The following ARHGAP28 variants were observed in gnomAD, a reference collection of about 807,000 sequenced individuals.
ARHGAP28 encodes the protein Rho GTPase activating protein 28.
ARHGAP28 carries 56 observed loss-of-function variants against 90.7 expected under a neutral mutation model. That is an observed-to-expected ratio of 0.62 (90% CI 0.50 to 0.77). ARHGAP28 has a LOEUF of 0.77. ARHGAP28 is among the 30% of genes least tolerant of loss of function. The probability of loss-of-function intolerance (pLI) is 0.00; values close to 1 mark genes in which losing one functional copy is unlikely to be tolerated. For synonymous variants in ARHGAP28, 308 were observed against 323.3 expected (o/e 0.95, Z 0.51); for missense variants, 869 against 900.9 (o/e 0.96, Z 0.45).
At chr18:6,810,855 T>C (rs2056551099) in intron 1 of ARHGAP28, among the ~76,000 whole-genome samples, 1 of 152,114 alleles carries the variant, frequency 6.6e-6, no homozygotes, top group African/African-American at 2.4e-5. Context: ...GTGTTCATTC[T>C]GCTAGGAGAC....
intron 1 of ARHGAP28, among the ~76,000 whole-genome samples, chr18:6,819,527 G>C (rs1567957825): frequency 6.6e-6 from 1 of 152,152 alleles, no homozygotes; most frequent in Non-Finnish European, 1.5e-5. Context: ...TCTAGGTGGA[G>C]GGACTCTACC....
chr18:6,824,805 A>C lies in ARHGAP28; in HGVS notation c.166A>C (p.Asn56His). 1 of 1,536,288 alleles carries C rather than the reference A, an allele frequency of 6.5e-7. No homozygotes were observed. Residue 56 changes from asparagine (N) to histidine (H), a missense_variant, in exon 2 of 18, where the codon AAT (asparagine) becomes CAT (histidine). Asn to His is a moderately conservative substitution (Grantham distance 68). Coordinates refer to ENST00000383472, the MANE Select transcript of ARHGAP28 (RefSeq NM_001366230.1). Reference sequence around the variant, plus strand: ...CCGAAGAATTAACAGGATGCTCTCCAATGAATCCCTCCATCCTCCTGCCTT... The same window carrying C: ...CCGAAGAATTAACAGGATGCTCTCCCATGAATCCCTCCATCCTCCTGCCTT... ...RCRRINRMLS[N>H]ESLHPPAFSR...
intron 16 of ARHGAP28, among the ~76,000 whole-genome samples, chr18:6,908,713 C>G (rs1027459326): frequency 1.3e-5 from 2 of 152,188 alleles, no homozygotes; most frequent in Non-Finnish European, 2.9e-5. Flanking sequence ...TGAATGGGCT[C>G]TATGTAGTGG....
At chr18:6,789,962 G>A (rs1600186484) in intron 1 of ARHGAP28, 1 of 151,660 alleles carries the variant, frequency 6.6e-6, no homozygotes, top group Non-Finnish European at 1.5e-5. Context: ...CGAGAAGCTG[G>A]GACTACAGGT....
At chr18:6,775,789 CCCCTCCCATG>C (rs1399485944) in intron 1 of ARHGAP28, among the ~76,000 whole-genome samples, 1 of 152,114 alleles carries the variant, frequency 6.6e-6, no homozygotes, top group Non-Finnish European at 1.5e-5. Flanking sequence ...AATTACTGCT[CCCCTCCCATG>C]CTCACTTTGT....
At chr18:6,849,963 G>A (rs564958842) in intron 3 of ARHGAP28, among the ~76,000 whole-genome samples, 2 of 151,748 alleles carry the variant, frequency 1.3e-5, no homozygotes, top group South Asian at 4.2e-4. Flanking sequence ...TTCACTGCTT[G>A]GATTAAACTC....
rs1477792795 is a variant in ARHGAP28 at position 6,913,140 on chromosome 18, CT to C, written c.*990del. The C allele has an allele frequency of 6.6e-6, 1 of 152,112 alleles. No homozygotes were observed. Among genetic ancestry groups the C allele is most frequent in the Non-Finnish European group, 1.5e-5 (1 of 68,024 alleles). The allele number at this position is 152,112 out of a possible 1,614,324, so 9.4% of individuals were successfully genotyped here. On this transcript the variant is annotated 3_prime_UTR_variant, in exon 18 of 18. Coordinates refer to ENST00000383472, the MANE Select transcript of ARHGAP28 (RefSeq NM_001366230.1). ...TCCTAAACTATAAAAGCAGATTTTG[CT>C]TTTGTTTGTTAATCATAGGCATGGC...
At chr18:6,784,084 T>G (rs2143504797) in intron 1 of ARHGAP28, among the ~76,000 whole-genome samples, 1 of 152,260 alleles carries the variant, frequency 6.6e-6, no homozygotes, top group South Asian at 2.1e-4. Flanking sequence ...GAGTTTACTA[T>G]CTACTTTCTC....
chr18:6,838,100 T>G (rs2056768323), intron 3 of ARHGAP28, among the ~76,000 whole-genome samples: 1 of 152,252 alleles, frequency 6.6e-6, no homozygotes, highest in African/African-American at 2.4e-5. Flanking sequence ...ACAATTGCAA[T>G]GTTACATTAC....
intron 13 of ARHGAP28, 27 bp downstream of exon 13, chr18:6,890,112 C>G: frequency 6.2e-7 from 1 of 1,612,032 alleles, no homozygotes; most frequent in Non-Finnish European, 8.5e-7. Context: ...TGACAGGTCC[C>G]CCTCAGAAGT....
At chr18:6,739,645 TTCTCTCTC>T (rs138884918) in intron 1 of ARHGAP28, among the ~76,000 whole-genome samples, 3 of 144,978 alleles carry the variant, frequency 2.1e-5, no homozygotes, top group Non-Finnish European at 4.5e-5. Flanking sequence ...TGACTAAGCT[TTCTCTCTC>T]TCTCTCTCTC....
chr18:6,866,956 AGTT>A (rs2057042419), intron 5 of ARHGAP28, among the ~76,000 whole-genome samples: 1 of 152,200 alleles, frequency 6.6e-6, no homozygotes, highest in South Asian at 2.1e-4. Flanking sequence ...GAAAGGGAAA[AGTT>A]GTCCACATCT....
chr18:6,893,069 C>T (rs2057278587), intron 14 of ARHGAP28, among the ~76,000 whole-genome samples: 1 of 152,180 alleles, frequency 6.6e-6, no homozygotes, highest in Non-Finnish European at 1.5e-5. Context: ...TTTTAGTTAT[C>T]TCTTGTTTTC....
chr18:6,827,351 TG>T (rs1157806189), intron 2 of ARHGAP28, among the ~76,000 whole-genome samples: 2 of 146,756 alleles, frequency 1.4e-5, no homozygotes, highest in African/African-American at 2.5e-5. Flanking sequence ...ACGGGGCGGC[TG>T]GCTGGGCGGA....
rs925950816 is a variant in ARHGAP28 at position 6,876,123 on chromosome 18, C to T, written c.1213-8C>T. On this transcript the variant is annotated splice_region_variant and splice_polypyrimidine_tract_variant and intron_variant, in intron 9 of 17. Transcript: ENST00000383472. ...TACTTATTCTGGTAATATATCATTG[C>T]TTTCTAGTTTTTTGAGAAAGTTGAG... 27 of 1,610,966 alleles carry T rather than the reference C, an allele frequency of 1.7e-5. No homozygotes were observed. Among genetic ancestry groups the T allele is most frequent in the Non-Finnish European group, 2.1e-5 (25 of 1,177,308 alleles).
intron 1 of ARHGAP28, among the ~76,000 whole-genome samples, chr18:6,814,768 GTACT>G (rs1212926992): frequency 6.6e-6 from 1 of 152,162 alleles, no homozygotes; most frequent in Non-Finnish European, 1.5e-5. Context: ...GAGAGAATAT[GTACT>G]TACTTTTGAT....
chr18:6,829,739 G>A (rs182314802), intron 2 of ARHGAP28, among the ~76,000 whole-genome samples: 3 of 152,198 alleles, frequency 2.0e-5, no homozygotes, highest in Admixed American at 1.3e-4. Flanking sequence ...TTTGGGGTTC[G>A]GCTTCTTTCA....
chr18:6,839,498 C>T (rs967309844), intron 3 of ARHGAP28, among the ~76,000 whole-genome samples: 9 of 151,994 alleles, frequency 5.9e-5, no homozygotes, highest in African/African-American at 1.7e-4. Flanking sequence ...AGGGTTTCAC[C>T]CTGTTAGCCA....
chr18:6,734,713 C>G (rs1269625726), intron 1 of ARHGAP28, among the ~76,000 whole-genome samples: 2 of 152,134 alleles, frequency 1.3e-5, no homozygotes, highest in Non-Finnish European at 2.9e-5. Context: ...CTAACTCTTA[C>G]TAAGCATTTA....
Sources: allele counts gnomAD v4.1 joint callset (sites outside exome capture counted in the v4.1 genomes callset), GRCh38; gene constraint gnomAD v4.1.1; transcripts MANE v1.5; gene names NCBI Gene and HGNC (gene_info 2026-07-23, HGNC 2026-07-21).